Variants in SPATA13 observed in about 807,000 individuals in gnomAD.
The protein encoded by SPATA13 is spermatogenesis associated 13.
A neutral mutation model predicts 104.0 loss-of-function variants in SPATA13; 50 were observed. That is an observed-to-expected ratio of 0.48 (90% CI 0.38 to 0.61). The LOEUF (loss-of-function observed/expected upper bound fraction) is 0.61. SPATA13 is among the 20% of genes least tolerant of loss of function. SPATA13 has a pLI of 0.00. For synonymous variants in SPATA13, 606 were observed against 667.5 expected (o/e 0.91, Z 1.42); for missense variants, 1,524 against 1,690.6 (o/e 0.90, Z 1.73).
intron 1 of SPATA13, among the ~76,000 whole-genome samples, chr13:24,173,209 C>T (rs1392483207): frequency 1.3e-5 from 2 of 152,174 alleles, no homozygotes; most frequent in Non-Finnish European, 2.9e-5. Flanking sequence ...TCCTGAGTAG[C>T]TGGGACTATA....
chr13:24,188,490 T>G (rs1020136496), intron 1 of SPATA13, among the ~76,000 whole-genome samples: 61 of 152,310 alleles, frequency 4.0e-4, no homozygotes, highest in African/African-American at 1.4e-3. Context: ...ATCCAAAGTC[T>G]AATCCAAAGC....
intron 3 of SPATA13, among the ~76,000 whole-genome samples, chr13:24,144,841 C>T (rs1282314056): frequency 2.0e-5 from 3 of 152,234 alleles, no homozygotes; most frequent in African/African-American, 4.8e-5. Flanking sequence ...GGCCATCCAC[C>T]TCCTTGCCTT....
At position 24,223,323 on chromosome 13, in the gene SPATA13, A is replaced by G. The variant is rs1400823194; in HGVS notation, c.394A>G (p.Asn132Asp). 6.4e-7 allele frequency: 1 copy of G among 1,551,520 alleles called. No homozygotes were observed. Among genetic ancestry groups the G allele is most frequent in the Admixed American group, 2.0e-5 (1 of 51,012 alleles). Residue 132 changes from asparagine (N) to aspartate (D), a missense_variant, in exon 2 of 13, where the codon AAT becomes GAT. Around this residue, in one of 2 missense-constraint regions of SPATA13, gnomAD observed 1,089 missense variants for 1,135.9 expected, o/e 0.96. Transcript: ENST00000382108. The stretch of plus-strand genomic sequence containing the variant: ...AGGAATTCAGAGCCGAGAGGGGTCA[A>G]ATGCCTGTTCAAAGGGAGAGGCTTC... ...LKGIQSREGSNACSKGEASEH... is the reference protein window; with the variant it reads ...LKGIQSREGSDACSKGEASEH...
chr13:24,264,440 G>A lies in SPATA13; in HGVS notation c.2164+12578G>A, dbSNP rs558145277. Among the ~76,000 whole-genome samples, 27 of 152,208 alleles carry A rather than the reference G, an allele frequency of 1.8e-4. No homozygotes were observed. In the East Asian group the frequency reaches 5.2e-3, roughly 29 times the overall value. ...ATATTCGGTAACTTTTCCTAGCTTG[G>A]CTAAGCAAGATGTAATGAGTAGATA... On this transcript the variant is annotated intron_variant, in intron 4 of 12. Transcript: ENST00000382108.
chr13:24,156,354 A>G (rs1307005643), upstream of SPATA13, among the ~76,000 whole-genome samples: 1 of 151,780 alleles, frequency 6.6e-6, no homozygotes, highest in Non-Finnish European at 1.5e-5. Flanking sequence ...CCCCCTCCAA[A>G]CCCAGGTGTG....
chr13:24,229,381 C>T (rs1024271823), intron 2 of SPATA13, among the ~76,000 whole-genome samples: 1 of 152,170 alleles, frequency 6.6e-6, no homozygotes, highest in African/African-American at 2.4e-5. Flanking sequence ...TTAAAAGATC[C>T]CTGGCAACCG....
chr13:24,283,834 T>C (rs1214070851), intron 4 of SPATA13, among the ~76,000 whole-genome samples: 1 of 152,242 alleles, frequency 6.6e-6, no homozygotes, highest in African/African-American at 2.4e-5. Context: ...TTTATGTTGT[T>C]AATATCCAGT....
intron 3 of SPATA13, among the ~76,000 whole-genome samples, chr13:24,103,504 A>AAAAAG (rs1458068316): frequency 1.2e-4 from 14 of 115,610 alleles, no homozygotes; most frequent in South Asian, 5.5e-4. Context: ...AAAAAAAAAC[A>AAAAAG]AGAAAGAAAA....
At chr13:24,059,695 A>C (rs1351192414) in intron 3 of SPATA13, among the ~76,000 whole-genome samples, 1 of 152,206 alleles carries the variant, frequency 6.6e-6, no homozygotes, top group East Asian at 1.9e-4. Flanking sequence ...TTGCACACTG[A>C]TTTTGTATGC....
intron 3 of SPATA13, among the ~76,000 whole-genome samples, chr13:24,074,432 C>A (rs1395643940): frequency 6.6e-6 from 1 of 152,056 alleles, no homozygotes; most frequent in Non-Finnish European, 1.5e-5. Context: ...GTTGCTTCCA[C>A]CTTTTGGCTA....
intron 1 of SPATA13, among the ~76,000 whole-genome samples, chr13:24,164,910 G>A (rs964994853): frequency 1.3e-5 from 2 of 152,184 alleles, no homozygotes; most frequent in African/African-American, 2.4e-5. Context: ...TCCAGCCGTC[G>A]CGCTAACTTC....
At chr13:24,024,356 C>CAGACGGAT (rs899524695) in intron 3 of SPATA13, among the ~76,000 whole-genome samples, 17 of 150,878 alleles carry the variant, frequency 1.1e-4, no homozygotes, top group African/African-American at 3.9e-4. Flanking sequence ...AATGGATGGA[C>CAGACGGAT]GGATGGATGG....
intron 1 of SPATA13, among the ~76,000 whole-genome samples, chr13:24,173,271 GT>G (rs1455124707): frequency 1.3e-5 from 2 of 151,912 alleles, no homozygotes; most frequent in Non-Finnish European, 2.9e-5. Context: ...TAGAGATGGG[GT>G]TTTGCCATGT....
intron 3 of SPATA13, among the ~76,000 whole-genome samples, chr13:24,081,415 T>A (rs946201127): frequency 3.3e-5 from 5 of 152,214 alleles, no homozygotes; most frequent in African/African-American, 1.2e-4. Flanking sequence ...TGTCCTTGGA[T>A]ATGTATGCAT....
At chr13:24,104,572 C>T (rs1880376672) in intron 3 of SPATA13, among the ~76,000 whole-genome samples, 1 of 152,116 alleles carries the variant, frequency 6.6e-6, no homozygotes, top group South Asian at 2.1e-4. Context: ...GGAAAGAAGC[C>T]GATTCCTTTT....
intron 3 of SPATA13, among the ~76,000 whole-genome samples, chr13:24,046,746 C>T (rs1286853801): frequency 6.6e-6 from 1 of 151,882 alleles, no homozygotes; most frequent in Non-Finnish European, 1.5e-5. Flanking sequence ...TATGAACATT[C>T]TTGTACATCT....
intron 3 of SPATA13, among the ~76,000 whole-genome samples, chr13:24,107,301 C>T (rs17080043): frequency 0.08 from 11,057 of 137,690 alleles, 790 homozygotes; most frequent in African/African-American, 0.2. Context: ...AGTTATGTGG[C>T]CATGGCAGTG....
intron 1 of SPATA13, among the ~76,000 whole-genome samples, chr13:24,186,445 G>A (rs529730314): frequency 2.0e-4 from 31 of 152,028 alleles, no homozygotes; most frequent in Non-Finnish European, 4.0e-4. Flanking sequence ...AAACCAAGAG[G>A]GAACATCAGC....
intron 3 of SPATA13, among the ~76,000 whole-genome samples, chr13:24,075,447 G>A (rs1230650357): frequency 1.3e-5 from 2 of 152,132 alleles, no homozygotes; most frequent in East Asian, 3.9e-4. Flanking sequence ...TAATAAAGGG[G>A]AAAAATCTTT....
Sources: allele counts gnomAD v4.1 joint callset (sites outside exome capture counted in the v4.1 genomes callset), GRCh38; gene constraint gnomAD v4.1.1; regional missense constraint gnomAD v4.1.1; transcripts MANE v1.5; gene names NCBI Gene and HGNC (gene_info 2026-07-23, HGNC 2026-07-21).